Variants in HDAC4 observed in about 807,000 individuals in gnomAD.
HDAC4 encodes the protein histone deacetylase A.
In HDAC4, 16 loss-of-function variants were observed where a neutral mutation model predicts 135.1. The observed-to-expected ratio is 0.12, with a 90% CI of 0.08 to 0.18. The LOEUF (loss-of-function observed/expected upper bound fraction) is 0.18. Among genes scored for constraint, HDAC4 ranks in the 10% least tolerant of loss-of-function variants. The probability of loss-of-function intolerance (pLI) is 1.00; values close to 1 mark genes in which losing one functional copy is unlikely to be tolerated. For synonymous variants in HDAC4, 685 were observed against 653.4 expected, an observed-to-expected ratio of 1.05 and a Z score of -0.74; for missense variants, 1,143 against 1,511.8, an observed-to-expected ratio of 0.76 and a Z score of 4.05.
chr2:239,366,112 G>A lies in HDAC4; in HGVS notation c.-219-13194C>T, dbSNP rs543045285. Among the ~76,000 whole-genome samples the A allele has an allele frequency of 1.3e-3, 194 of 147,034 alleles. 2 individuals are homozygous for A. Among genetic ancestry groups the A allele is most frequent in the African/African-American group, 4.2e-3 (165 of 39,528 alleles). Reference sequence around the variant, plus strand: ...CACAGAGCAGGGTCGTCAGGGTCACGCGTGTGGCACTGGCGGACACAAACA... The same window carrying A: ...CACAGAGCAGGGTCGTCAGGGTCACACGTGTGGCACTGGCGGACACAAACA... On this transcript the variant is annotated intron_variant, in intron 1 of 26. Transcript: ENST00000543185.
intron 2 of HDAC4, among the ~76,000 whole-genome samples, chr2:239,241,046 T>C (rs2048148572): frequency 6.6e-6 from 1 of 152,148 alleles, no homozygotes; most frequent in Admixed American, 6.5e-5. Context: ...CTGTGCAGTT[T>C]CCTAGGATCA....
chr2:239,085,790 G>C (rs1280042341), intron 19 of HDAC4: 3 of 147,836 alleles, frequency 2.0e-5, no homozygotes, highest in African/African-American at 7.7e-5. Flanking sequence ...ACATGAAGGA[G>C]ACTCTGCTCT....
In HDAC4 at chr2:239,065,227, C is replaced by A. The variant is rs560536335; in HGVS notation, c.3003+1495G>T. ...GCCTGTCAGTAAGAGCCATCAGACACCAGAACCCAGGGGCGTGCAAGGCAC... is the reference window on the plus strand; with the variant it reads ...GCCTGTCAGTAAGAGCCATCAGACAACAGAACCCAGGGGCGTGCAAGGCAC... On this transcript the variant is annotated intron_variant, in intron 24 of 26. Coordinates refer to ENST00000543185, the MANE Select transcript of HDAC4 (RefSeq NM_001378414.1). Among the ~76,000 whole-genome samples the A allele has an allele frequency of 5.3e-5, 8 of 152,306 alleles. No homozygotes were observed. The South Asian group carries it at 1.7e-3, about 32-fold the overall frequency.
chr2:239,269,253 TCA>T (rs1472358864), intron 2 of HDAC4, among the ~76,000 whole-genome samples: 3 of 135,544 alleles, frequency 2.2e-5, no homozygotes, highest in East Asian at 2.2e-4. Context: ...CTACACACAT[TCA>T]CACACCCACA....
intron 1 of HDAC4, among the ~76,000 whole-genome samples, chr2:239,374,810 A>T (rs1288200728): frequency 6.6e-6 from 1 of 152,210 alleles, no homozygotes; most frequent in Non-Finnish European, 1.5e-5. Context: ...ATAAAATGAA[A>T]ATAAGACACC....
chr2:239,213,200 T>A (rs984290345), intron 3 of HDAC4, among the ~76,000 whole-genome samples: 1 of 138,494 alleles, frequency 7.2e-6, no homozygotes, highest in African/African-American at 2.6e-5. Flanking sequence ...GCACAGCTCA[T>A]CAGTCCCATA....
Position 239,308,200 on chromosome 2 carries a change from G to C in HDAC4, c.22+44478C>G, listed in dbSNP as rs1224622007. On this transcript the variant is annotated intron_variant, in intron 2 of 26. Transcript: ENST00000543185. The surrounding 1 kb of genome is among the most constrained non-coding windows in gnomAD (Gnocchi z 4.2). ...GGTCAGCGTGCAGGAAGCCCTCCTT[G>C]ACGATGAGCTATCAGCTTAGGGACA... is the stretch of plus-strand genomic sequence containing the variant. 6.6e-6 allele frequency among the ~76,000 whole-genome samples: 1 copy of C among 152,130 alleles called. No homozygotes were observed. Among genetic ancestry groups the C allele is most frequent in the Non-Finnish European group, 1.5e-5 (1 of 68,012 alleles).
chr2:239,322,299 C>T (rs1442526196), intron 2 of HDAC4, among the ~76,000 whole-genome samples: 1 of 152,228 alleles, frequency 6.6e-6, no homozygotes, highest in Admixed American at 6.5e-5. Context: ...GGAGTAAAGC[C>T]TTACACTTCA....
chr2:239,277,004 T>C (rs1192996369), intron 2 of HDAC4, among the ~76,000 whole-genome samples: 1 of 151,888 alleles, frequency 6.6e-6, no homozygotes, highest in African/African-American at 2.4e-5. Context: ...GTGCAGCCCC[T>C]TTCCACTGCC....
At chr2:239,365,441 C>T (rs988302652) in intron 1 of HDAC4, among the ~76,000 whole-genome samples, 9 of 152,246 alleles carry the variant, frequency 5.9e-5, no homozygotes, top group African/African-American at 2.2e-4. Context: ...TGAGCTGAGG[C>T]CACCATTCCA....
At chr2:239,053,762 G>A (rs1306406282) in intron 25 of HDAC4, among the ~76,000 whole-genome samples, 161 bp from the exon 26 acceptor site, 1 of 152,180 alleles carries the variant, frequency 6.6e-6, no homozygotes, top group Non-Finnish European at 1.5e-5. Flanking sequence ...AAGACTGCAT[G>A]GCTACAAACT....
At chr2:239,350,946 C>A (rs1363284424) in intron 2 of HDAC4, among the ~76,000 whole-genome samples, 1 of 152,140 alleles carries the variant, frequency 6.6e-6, no homozygotes, top group African/African-American at 2.4e-5. Flanking sequence ...AAAATATGCA[C>A]CCCCATTAAA....
intron 2 of HDAC4, 127 bp from the exon 3 acceptor site, chr2:239,236,791 G>A: frequency 1.4e-6 from 1 of 740,298 alleles, no homozygotes; most frequent in Non-Finnish European, 2.5e-6. Context: ...ACTTTTACAG[G>A]GGGACACTTT....
chr2:239,160,089 G>A (rs887546583), intron 6 of HDAC4, among the ~76,000 whole-genome samples: 1 of 152,114 alleles, frequency 6.6e-6, no homozygotes, highest in African/African-American at 2.4e-5. Flanking sequence ...AACCACATAC[G>A]CCAGGATACT....
chr2:239,230,368 C>CAAAAAAAAAAAAAAAAAAAAAGAAA (rs2047474967), intron 3 of HDAC4, among the ~76,000 whole-genome samples: 5 of 79,392 alleles, frequency 6.3e-5, no homozygotes, highest in Non-Finnish European at 1.2e-4. Flanking sequence ...AGCAAGCAAG[C>CAAAAAAAAAAAAAAAAAAAAAGAAA]AAAAAAAAAA....
At chr2:239,328,242 G>A (rs2053527302) in intron 2 of HDAC4, among the ~76,000 whole-genome samples, 1 of 152,236 alleles carries the variant, frequency 6.6e-6, no homozygotes, top group South Asian at 2.1e-4. Context: ...CCAGGACTGT[G>A]GGGAACCCAG....
chr2:239,228,631 G>T (rs1346104726), intron 3 of HDAC4, among the ~76,000 whole-genome samples: 1 of 152,238 alleles, frequency 6.6e-6, no homozygotes, highest in Non-Finnish European at 1.5e-5. Flanking sequence ...GAAGGTTTAG[G>T]GGCGGATAGG....
At chr2:239,261,427 G>C (rs1214632034) in intron 2 of HDAC4, among the ~76,000 whole-genome samples, 2 of 152,204 alleles carry the variant, frequency 1.3e-5, no homozygotes, top group Non-Finnish European at 1.5e-5. Flanking sequence ...ACAGACGGAA[G>C]CAAACCGTGG....
chr2:239,216,410 G>A (rs985761775), intron 3 of HDAC4, among the ~76,000 whole-genome samples: 1 of 152,164 alleles, frequency 6.6e-6, no homozygotes, highest in African/African-American at 2.4e-5. Flanking sequence ...GCGATGAGGA[G>A]GAAGACGATG....
Sources: gnomAD v4.1 joint callset for allele counts (sites outside exome capture counted in the v4.1 genomes callset) on GRCh38, gnomAD v4.1.1 for gene constraint, Gnocchi (gnomAD v3.1) non-coding constraint, MANE v1.5 for transcripts, NCBI Gene and HGNC (gene_info 2026-07-23, HGNC 2026-07-21) for gene names.